ZNF670: variants seen among roughly 807,000 people sequenced by gnomAD.
The protein encoded by ZNF670 is zinc finger protein 670.
In ZNF670, 7 loss-of-function variants were observed where a neutral mutation model predicts 10.9. The ratio of observed to expected loss-of-function variants is 0.64; its 90% CI spans 0.36 to 1.20. The LOEUF (loss-of-function observed/expected upper bound fraction) is 1.20. ZNF670 is among the 50% of genes most tolerant of loss of function. The probability of loss-of-function intolerance (pLI) is 0.02; values close to 1 mark genes in which losing one functional copy is unlikely to be tolerated. For synonymous variants in ZNF670, 136 were observed against 152.7 expected, an observed-to-expected ratio of 0.89 and a Z score of 0.81; for missense variants, 446 against 458.6, an observed-to-expected ratio of 0.97 and a Z score of 0.25.
chr1:247,040,809 C>CTGA (rs1670287068), intron 1 of ZNF670, among the ~76,000 whole-genome samples: 1 of 152,094 alleles, frequency 6.6e-6, no homozygotes, highest in African/African-American at 2.4e-5. Context: ...GATTCTCCTG[C>CTGA]CTCAGCCTCC....
At chr1:247,072,804 G>GTATATATATGTATA (rs1671159249) in intron 1 of ZNF670, among the ~76,000 whole-genome samples, 1 of 47,664 alleles carries the variant, frequency 2.1e-5, no homozygotes, top group African/African-American at 9.1e-5. Context: ...AAAAGTGTGT[G>GTATATATATGTATA]TATATATATA....
intron 1 of ZNF670, among the ~76,000 whole-genome samples, chr1:247,056,836 A>G (rs1670729672): frequency 6.6e-6 from 1 of 152,216 alleles, no homozygotes; most frequent in African/African-American, 2.4e-5. Context: ...CTCACCATAT[A>G]AAAACAAAAT....
rs1258051431 is a variant in ZNF670, at chr1:247,078,746, T to C, written c.-150A>G. On this transcript the variant is annotated 5_prime_UTR_variant, in exon 1 of 4. Coordinates refer to ENST00000366503, the MANE Select transcript of ZNF670 (RefSeq NM_033213.5). ...CGCACCGAGCTCGCCACATTCGCGCTGCCCAACACAAAAGCCGCGCCAGGT... is the reference window on the plus strand; with the variant it reads ...CGCACCGAGCTCGCCACATTCGCGCCGCCCAACACAAAAGCCGCGCCAGGT... The C allele has an allele frequency of 1.3e-6, 1 of 791,440 alleles. No individual in the cohort carries two copies. Among genetic ancestry groups the C allele is most frequent in the African/African-American group, 1.8e-5 (1 of 56,792 alleles). 49.0% of individuals were successfully genotyped at this position (791,440 alleles called of 1,614,324 possible). A position where few individuals can be genotyped will look rare whatever the true frequency, so the allele number is the denominator to read the frequency against.
At chr1:247,040,408 T>C (rs1319572895) in intron 1 of ZNF670, among the ~76,000 whole-genome samples, 4 of 152,112 alleles carry the variant, frequency 2.6e-5, no homozygotes, top group African/African-American at 9.7e-5. Context: ...TAGAAGAAAC[T>C]CAATGTCATC....
intron 1 of ZNF670, among the ~76,000 whole-genome samples, chr1:247,053,286 C>T (rs1410666420): frequency 6.6e-6 from 1 of 152,156 alleles, no homozygotes; most frequent in African/African-American, 2.4e-5. Flanking sequence ...TCTGCACTTC[C>T]CTTTCATCGA....
At position 247,038,236 on chromosome 1, in the gene ZNF670, T is replaced by C. The variant is rs539707036; in HGVS notation, c.383A>G (p.Asn128Ser). 2 of 1,614,204 alleles carry C rather than the reference T, an allele frequency of 1.2e-6. No homozygotes were observed. Among genetic ancestry groups the C allele is most frequent in the East Asian group, 2.2e-5 (1 of 44,876 alleles). ...ACATTCCTCACACTCAAATAGTTTG[T>C]TTCCAATGTGAGACAGGATGTGCCT... is the stretch of plus-strand genomic sequence containing the variant. The part of the protein sequence containing the change: ...LHRHILSHIG[N>S]KLFECEECPE... Residue 128 changes from asparagine to serine, a missense_variant, in exon 4 of 4, where the codon AAC (asparagine) becomes AGC (serine). Coordinates refer to ENST00000366503, the MANE Select transcript of ZNF670 (RefSeq NM_033213.5).
At chr1:247,063,655 A>C (rs964085956) in intron 1 of ZNF670, among the ~76,000 whole-genome samples, 1 of 149,940 alleles carries the variant, frequency 6.7e-6, no homozygotes, top group Non-Finnish European at 1.5e-5. Flanking sequence ...GCTGGGAAGG[A>C]CAAGACAGTG....
intron 1 of ZNF670, among the ~76,000 whole-genome samples, chr1:247,060,435 C>A (rs1274997207): frequency 6.6e-6 from 1 of 152,148 alleles, no homozygotes; most frequent in African/African-American, 2.4e-5. Flanking sequence ...AAAAAAGACA[C>A]CTTGCAACAG....
At position 247,037,801 on chromosome 1, in the gene ZNF670, C is replaced by T; in HGVS notation, c.818G>A (p.Arg273Lys). ...ATAGGGTTTTTCTCCAGTATGCGTT[C>T]TTTCATGTATTCCCAAGTAAGTGGA... is the stretch of plus-strand genomic sequence containing the variant. ...SRSTYLGIHE[R>K]THTGEKPYEC... Residue 273 changes from arginine (R) to lysine (K), a missense_variant, in exon 4 of 4, where the codon AGA becomes AAA. By Grantham distance (26) the Arg-to-Lys change is conservative (BLOSUM62 2). Coordinates refer to ENST00000366503, the MANE Select transcript of ZNF670 (RefSeq NM_033213.5). The T allele has an allele frequency of 6.2e-7, 1 of 1,613,544 alleles. No homozygotes were observed.
At chr1:247,043,620 A>G (rs534551302) in intron 1 of ZNF670, 1 of 561,572 alleles carries the variant, frequency 1.8e-6, no homozygotes, top group Non-Finnish European at 3.5e-6. Flanking sequence ...TCAGAATAAC[A>G]TCAAAAATCA....
Position 247,038,337 on chromosome 1 carries a change from C to A in ZNF670, c.282G>T (p.Lys94Asn). The A allele has an allele frequency of 6.2e-7, 1 of 1,614,164 alleles. No individual in the cohort carries two copies. The highest frequency in any genetic ancestry group is 8.5e-7 in the Non-Finnish European group (1 of 1,180,020). ...ATGGCTTTACTCCAGTAGAAACTTT[C>A]TTATTCAGATTCAAATTTGAATCCT... The part of the protein sequence containing the change: ...FSQDSNLNLN[K>N]KVSTGVKPCE... The change falls in exon 4 of 4, where the codon AAG becomes AAT. Residue 94 changes from lysine (K) to asparagine (N), a missense_variant. Transcript: ENST00000366503.
At chr1:247,051,268 AC>A (rs1437247033) in intron 1 of ZNF670, among the ~76,000 whole-genome samples, 2 of 129,284 alleles carry the variant, frequency 1.5e-5, no homozygotes, top group Non-Finnish European at 1.6e-5. Context: ...AAAAAAAAAA[AC>A]AAAAAAAAAA....
At chr1:247,039,573 T>A in intron 1 of ZNF670, 36 bp from the exon 2 acceptor site, 1 of 1,520,758 alleles carries the variant, frequency 6.6e-7, no homozygotes, top group Non-Finnish European at 8.8e-7. Context: ...GGAGGATGGC[T>A]TAGACAGACA....
At chr1:247,049,059 A>C (rs1437079244) in intron 1 of ZNF670, among the ~76,000 whole-genome samples, 1 of 139,362 alleles carries the variant, frequency 7.2e-6, no homozygotes, top group Non-Finnish European at 1.6e-5. Context: ...AATCTTTTGT[A>C]TTTCTGTTGT....
chr1:247,072,800 G>A (rs375242380), intron 1 of ZNF670, among the ~76,000 whole-genome samples: 6,365 of 18,440 alleles, frequency 0.35, 417 homozygotes, highest in South Asian at 0.44. Flanking sequence ...AAAAAAAAGT[G>A]TGTGTATATA....
chr1:247,062,181 A>G (rs571453083), intron 1 of ZNF670, among the ~76,000 whole-genome samples: 1 of 152,006 alleles, frequency 6.6e-6, no homozygotes, highest in African/African-American at 2.4e-5. Flanking sequence ...TAATTCGCCA[A>G]TTTACGACAC....
chr1:247,061,315 G>A (rs1670854942), intron 1 of ZNF670, among the ~76,000 whole-genome samples: 1 of 151,686 alleles, frequency 6.6e-6, no homozygotes, highest in Admixed American at 6.6e-5. Flanking sequence ...CAAGTAGCTG[G>A]GATTACAGGC....
rs779567952 is a variant in ZNF670, at chr1:247,037,847, AT to A, written c.771del (p.Glu257AspfsTer28). On this transcript the variant is annotated frameshift_variant, in exon 4 of 4. Coordinates refer to ENST00000366503, the MANE Select transcript of ZNF670 (RefSeq NM_033213.5). LOFTEE classifies it low-confidence loss of function (END_TRUNC). ...GTGGAACGACTGAAGGCTTTGCCAC[AT>A]TCCTTACATTCATAGGGTTTCTCTC... ...HTGEKPYECK[E>X]CGKAFSRSTY... 6.2e-7 allele frequency: 1 copy of A among 1,613,458 alleles called. No individual in the cohort carries two copies.
chr1:247,038,920 T>C (rs112223938), intron 2 of ZNF670, 50 bp from the exon 3 acceptor site: 3 of 1,517,596 alleles, frequency 2.0e-6, no homozygotes, highest in South Asian at 2.3e-5. Flanking sequence ...ACTTTAAAAA[T>C]TGCTAGATTC....
Sources: gnomAD v4.1 joint callset for allele counts (sites outside exome capture counted in the v4.1 genomes callset) on GRCh38, gnomAD v4.1.1 for gene constraint, MANE v1.5 for transcripts, NCBI Gene and HGNC (gene_info 2026-07-23, HGNC 2026-07-21) for gene names.